BIN2: variants seen among roughly 807,000 people sequenced by gnomAD.
The protein encoded by BIN2 is bridging integrator 2.
In BIN2, 43 loss-of-function variants were observed where a neutral mutation model predicts 67.9. The observed-to-expected ratio is 0.63, with a 90% CI of 0.50 to 0.82. The LOEUF (loss-of-function observed/expected upper bound fraction) is 0.82, where lower values mean the gene tolerates loss of function less well. Among genes scored for constraint, BIN2 ranks in the 40% least tolerant of loss-of-function variants. The probability of loss-of-function intolerance (pLI) is 0.00; values close to 1 mark genes in which losing one functional copy is unlikely to be tolerated. For missense variants in BIN2, 581 were observed against 671.6 expected (o/e 0.87, Z 1.49); for synonymous variants, 244 against 246.8 (o/e 0.99, Z 0.11).
intron 1 of BIN2, among the ~76,000 whole-genome samples, chr12:51,321,896 C>A (rs534478742): frequency 6.6e-6 from 1 of 152,224 alleles, no homozygotes; most frequent in African/African-American, 2.4e-5. Flanking sequence ...GTCTCAATAA[C>A]TTCCCAAGAC....
intron 10 of BIN2, among the ~76,000 whole-genome samples, chr12:51,289,628 G>GAAAA (rs1275972590): frequency 6.6e-6 from 1 of 150,988 alleles, no homozygotes; most frequent in Admixed American, 6.6e-5. Flanking sequence ...AAGAAAGAAA[G>GAAAA]AAAAAAAAGA....
intron 5 of BIN2, among the ~76,000 whole-genome samples, chr12:51,301,178 A>G (rs1420295855): frequency 1.3e-5 from 2 of 152,090 alleles, no homozygotes; most frequent in Non-Finnish European, 2.9e-5. Context: ...AGACTGCGCC[A>G]TTGCACTCCA....
intron 7 of BIN2, 142 bp from the exon 8 acceptor site, chr12:51,297,306 C>A: frequency 1.4e-6 from 1 of 705,986 alleles, no homozygotes; most frequent in Non-Finnish European, 2.3e-6. Flanking sequence ...CAGTGGCTCA[C>A]GCCTGTAATC....
Position 51,297,441 on chromosome 12 carries a change from C to T in BIN2, c.603-277G>A, listed in dbSNP as rs137911994. ...AATTAGCCGGGCGTGGTGGCATGAG[C>T]CTGTAGTCCCAGCTACTCAGGAGGC... On this transcript the variant is annotated intron_variant, in intron 7 of 12. Transcript: ENST00000615107. 2.1e-4 allele frequency: 53 copies of T among 254,800 alleles called. 1 individual carries two copies. The East Asian group carries it at 5.2e-3, about 25-fold the overall frequency. 15.8% of individuals were successfully genotyped at this position (254,800 alleles called of 1,614,324 possible).
At chr12:51,300,309 C>T (rs1340648107) in intron 5 of BIN2, among the ~76,000 whole-genome samples, 2 of 151,938 alleles carry the variant, frequency 1.3e-5, no homozygotes, top group East Asian at 3.8e-4. Context: ...TCCACCTCCA[C>T]CTCCCGCTGT....
intron 7 of BIN2, among the ~76,000 whole-genome samples, chr12:51,298,030 G>A (rs1281446124): frequency 6.6e-6 from 1 of 151,970 alleles, no homozygotes; most frequent in Non-Finnish European, 1.5e-5. Context: ...TAGATCACCT[G>A]AGGTCAGGAG....
At chr12:51,281,641 G>T in intron 12 of BIN2, 113 bp from the exon 13 acceptor site, 1 of 1,118,876 alleles carries the variant, frequency 8.9e-7, no homozygotes, top group Non-Finnish European at 1.4e-6. Context: ...AATGCCACTG[G>T]CCTCTCTTGA....
intron 6 of BIN2, 44 bp downstream of exon 6, chr12:51,299,563 G>C (rs768632661): frequency 6.4e-7 from 1 of 1,571,264 alleles, no homozygotes; most frequent in East Asian, 2.2e-5. Context: ...GGGAGAAGGA[G>C]AACAGGAAGG....
chr12:51,302,975 T>C, intron 3 of BIN2, 112 bp downstream of exon 3: 2 of 1,297,038 alleles, frequency 1.5e-6, no homozygotes, highest in South Asian at 1.2e-5. Context: ...GAGTCAAGAG[T>C]AGTCAAATGA....
chr12:51,315,253 T>A (rs1352446064), intron 1 of BIN2, among the ~76,000 whole-genome samples: 1 of 151,850 alleles, frequency 6.6e-6, no homozygotes, highest in Admixed American at 6.6e-5. Flanking sequence ...CACTGCAAGC[T>A]CCGCCTCCCG....
At chr12:51,285,408 T>C (rs1411861740) in intron 11 of BIN2, among the ~76,000 whole-genome samples, 1 of 151,684 alleles carries the variant, frequency 6.6e-6, no homozygotes, top group Non-Finnish European at 1.5e-5. Flanking sequence ...ATTGCACCTG[T>C]GAATACCCAC....
intron 1 of BIN2, among the ~76,000 whole-genome samples, chr12:51,316,217 G>A (rs947326684): frequency 3.3e-5 from 5 of 152,008 alleles, no homozygotes; most frequent in Non-Finnish European, 7.4e-5. Flanking sequence ...TGGGCTAGGC[G>A]CGGTGGCTCA....
chr12:51,291,711 G>T lies in BIN2; in HGVS notation c.1395C>A (p.Val465=). Residue 465 remains valine (V), a synonymous_variant, in exon 10 of 13, where the codon GTC becomes GTA. Coordinates refer to ENST00000615107, the MANE Select transcript of BIN2 (RefSeq NM_016293.4). The part of the protein sequence containing the change: ...GTASPRTSLE[V]SPNPEPPEKP... ...TCTCTGGTGGTTCTGGATTAGGAGA[G>T]ACCTCTAGGGAGGTCCTAGGACTTG... The T allele has an allele frequency of 6.2e-7, 1 of 1,613,764 alleles. No individual in the cohort carries two copies. The highest frequency in any genetic ancestry group is 8.5e-7 in the Non-Finnish European group (1 of 1,179,790).
intron 11 of BIN2, among the ~76,000 whole-genome samples, chr12:51,286,760 A>G (rs1016035438): frequency 1.3e-5 from 2 of 152,210 alleles, no homozygotes; most frequent in Non-Finnish European, 2.9e-5. Context: ...TGTCCTGCCT[A>G]TCTCTCTCCA....
At chr12:51,299,955 C>T (rs1395355795) in intron 5 of BIN2, among the ~76,000 whole-genome samples, 2 of 152,038 alleles carry the variant, frequency 1.3e-5, no homozygotes, top group African/African-American at 2.4e-5. Flanking sequence ...TTTTGTGCTT[C>T]GGCCTCCCAG....
At chr12:51,301,588 A>C (rs1485959819) in intron 5 of BIN2, among the ~76,000 whole-genome samples, 2 of 152,000 alleles carry the variant, frequency 1.3e-5, no homozygotes, top group Non-Finnish European at 2.9e-5. Flanking sequence ...GGCTCACTGC[A>C]ACCTCTCCCT....
chr12:51,288,036 G>A, intron 11 of BIN2, 72 bp downstream of exon 11: 1 of 1,144,526 alleles, frequency 8.7e-7, no homozygotes, highest in South Asian at 1.3e-5. Flanking sequence ...TATACTTCTG[G>A]AAAAAGAAAA....
intron 2 of BIN2, among the ~76,000 whole-genome samples, chr12:51,307,427 G>T (rs981020739): frequency 6.6e-6 from 1 of 151,334 alleles, no homozygotes; most frequent in African/African-American, 2.4e-5. Context: ...CCTTGCACAG[G>T]CTGGGAGCGG....
chr12:51,288,097 G>A lies in BIN2; in HGVS notation c.1596+11C>T. 6.3e-7 allele frequency: 1 copy of A among 1,595,034 alleles called. No individual in the cohort carries two copies. The highest frequency in any genetic ancestry group is 8.6e-7 in the Non-Finnish European group (1 of 1,163,086). Reference sequence around the variant, plus strand: ...GGGCATCATCATGTAGATGACTTAGGCTTTTAGTACCTCCGAGGAGTTAGC... The same window carrying A: ...GGGCATCATCATGTAGATGACTTAGACTTTTAGTACCTCCGAGGAGTTAGC... On this transcript the variant is annotated intron_variant, in intron 11 of 12. Coordinates refer to ENST00000615107, the MANE Select transcript of BIN2 (RefSeq NM_016293.4).
Sources: gnomAD v4.1 joint callset for allele counts (sites outside exome capture counted in the v4.1 genomes callset) on GRCh38, gnomAD v4.1.1 for gene constraint, MANE v1.5 for transcripts, NCBI Gene and HGNC (gene_info 2026-07-23, HGNC 2026-07-21) for gene names.